The following SHANK2 variants were observed in gnomAD, a reference collection of about 807,000 sequenced individuals.
The protein encoded by SHANK2 is SH3 and multiple ankyrin repeat domains protein 2.
SHANK2 carries 43 observed loss-of-function variants against 133.7 expected under a neutral mutation model. The observed-to-expected ratio is 0.32, with a 90% confidence interval of 0.25 to 0.41. The LOEUF (loss-of-function observed/expected upper bound fraction) is 0.41, where lower values mean the gene tolerates loss of function less well. Ranked by LOEUF, SHANK2 falls within the 10% of genes least tolerant of loss-of-function variation. SHANK2 has a pLI of 1.00. For synonymous variants in SHANK2, 1,017 were observed against 952.8 expected (o/e 1.07, Z -1.24); for missense variants, 1,994 against 2,235.8 (o/e 0.89, Z 2.18).
chr11:70,481,973 CA>C (rs1275840528), intron 25 of SHANK2, among the ~76,000 whole-genome samples: 2 of 149,186 alleles, frequency 1.3e-5, no homozygotes, highest in African/African-American at 4.9e-5. Flanking sequence ...GACCCCCCCC[CA>C]GTGGTGGTTC....
intron 11 of SHANK2, among the ~76,000 whole-genome samples, chr11:70,823,675 A>T (rs1209374376): frequency 6.7e-6 from 1 of 148,970 alleles, no homozygotes; most frequent in East Asian, 2.0e-4. Context: ...CATGAGGGAC[A>T]GAGGTGGCGC....
chr11:70,546,255 A>G (rs782716343), intron 17 of SHANK2, among the ~76,000 whole-genome samples: 23 of 152,064 alleles, frequency 1.5e-4, no homozygotes, highest in Non-Finnish European at 3.1e-4. Flanking sequence ...TGGAGGTTTC[A>G]ATACTTAGGT....
intron 2 of SHANK2, 129 bp downstream of exon 2, chr11:71,224,568 G>C (rs539417763): frequency 1.3e-5 from 2 of 152,424 alleles, no homozygotes; most frequent in East Asian, 3.9e-4. Context: ...CAAGCACAGG[G>C]CACACAGGGC....
intron 10 of SHANK2, among the ~76,000 whole-genome samples, chr11:70,953,918 G>T (rs1950879712): frequency 6.6e-6 from 1 of 152,180 alleles, no homozygotes; most frequent in Non-Finnish European, 1.5e-5. Context: ...AGCTGGGCCA[G>T]CTCCCGCCTG....
chr11:71,183,258 T>C (rs1426965452), intron 2 of SHANK2, among the ~76,000 whole-genome samples: 3 of 152,000 alleles, frequency 2.0e-5, no homozygotes, highest in Non-Finnish European at 4.4e-5. Context: ...GGGGCAAAGG[T>C]GCTGGAGTTT....
chr11:70,532,800 A>G (rs1554973475), intron 17 of SHANK2, among the ~76,000 whole-genome samples: 1 of 152,198 alleles, frequency 6.6e-6, no homozygotes, highest in Non-Finnish European at 1.5e-5. Flanking sequence ...TTAGACCGAC[A>G]CGTGCGCATG....
At chr11:70,717,077 G>A (rs533132864) in intron 14 of SHANK2, among the ~76,000 whole-genome samples, 7 of 152,314 alleles carry the variant, frequency 4.6e-5, no homozygotes, top group South Asian at 4.2e-4. Context: ...GGAGCACACC[G>A]TCCACTTGGT....
chr11:70,528,846 C>T (rs537531639), intron 17 of SHANK2, among the ~76,000 whole-genome samples: 1 of 152,256 alleles, frequency 6.6e-6, no homozygotes, highest in Admixed American at 6.5e-5. Flanking sequence ...CCAGAGGAAC[C>T]CAGGTGGCGA....
At position 70,486,512 on chromosome 11, in the gene SHANK2, A is replaced by G; in HGVS notation, c.3781T>C (p.Phe1261Leu). ...GTGTTCTGCCTGGTGACCGTAGGGA[A>G]GCCGGCATCCAGGCTGGGCCGCATT... ...TKMRPSLDAG[F>L]PTVTRQNTRG... is the part of the protein sequence containing the mutation. The change falls in exon 25 of 26, where the codon TTC becomes CTC. Residue 1261 changes from phenylalanine to leucine, a missense_variant. Transcript: ENST00000601538. The surrounding 1 kb of genome is among the most constrained non-coding windows in gnomAD (Gnocchi z 8.0). The G allele has an allele frequency of 6.2e-7, 1 of 1,614,070 alleles. No homozygotes were observed. Among genetic ancestry groups the G allele is most frequent in the Non-Finnish European group, 8.5e-7 (1 of 1,180,022 alleles).
chr11:71,122,413 G>A (rs573397008), intron 3 of SHANK2, among the ~76,000 whole-genome samples: 1 of 152,234 alleles, frequency 6.6e-6, no homozygotes, highest in African/African-American at 2.4e-5. Flanking sequence ...ACCAAACACT[G>A]CATGTTCTCA....
intron 17 of SHANK2, among the ~76,000 whole-genome samples, chr11:70,592,607 C>T (rs1205890691): frequency 6.6e-6 from 1 of 152,094 alleles, no homozygotes; most frequent in Non-Finnish European, 1.5e-5. Context: ...CTGTCTGCAC[C>T]CCCCGTTGAG....
intron 17 of SHANK2, among the ~76,000 whole-genome samples, chr11:70,611,577 T>C (rs2060657940): frequency 6.6e-6 from 1 of 152,048 alleles, no homozygotes; most frequent in Non-Finnish European, 1.5e-5. Context: ...AAACAGAGGG[T>C]GTCTGGTTTA....
At chr11:70,687,860 C>T (rs995054968) in intron 15 of SHANK2, among the ~76,000 whole-genome samples, 1 of 152,186 alleles carries the variant, frequency 6.6e-6, no homozygotes, top group African/African-American at 2.4e-5. Context: ...CCCCCAGGCC[C>T]TCCTCTGCTG....
intron 10 of SHANK2, chr11:70,907,802 A>T: frequency 2.4e-6 from 1 of 415,504 alleles, no homozygotes; most frequent in South Asian, 1.7e-5. Context: ...TAGATTCATG[A>T]TAAAACTTAA....
chr11:71,232,337 A>G (rs1314562552), intron 1 of SHANK2, among the ~76,000 whole-genome samples: 6 of 152,130 alleles, frequency 3.9e-5, no homozygotes, highest in African/African-American at 1.4e-4. Flanking sequence ...GGCCAATACT[A>G]TCGTACTGAC....
chr11:70,578,321 C>T (rs1455827905), intron 17 of SHANK2, among the ~76,000 whole-genome samples: 21 of 152,312 alleles, frequency 1.4e-4, no homozygotes, highest in South Asian at 8.3e-4. Flanking sequence ...ACAGGAGGAA[C>T]GCAGATTGCT....
intron 11 of SHANK2, among the ~76,000 whole-genome samples, chr11:70,850,018 C>A (rs932473523): frequency 6.6e-6 from 1 of 152,098 alleles, no homozygotes; most frequent in Non-Finnish European, 1.5e-5. Context: ...CTCCCCTAGC[C>A]CCTGGCCCTC....
intron 1 of SHANK2, among the ~76,000 whole-genome samples, chr11:71,225,860 A>G (rs1375343041): frequency 2.6e-5 from 4 of 152,260 alleles, no homozygotes; most frequent in African/African-American, 9.6e-5. Context: ...ACGGTGGCTC[A>G]TGCCTGTAAT....
At chr11:70,904,728 G>A (rs782071877) in intron 10 of SHANK2, among the ~76,000 whole-genome samples, 2 of 152,038 alleles carry the variant, frequency 1.3e-5, no homozygotes, top group African/African-American at 2.4e-5. Flanking sequence ...GGCTGGTCTC[G>A]AACTCCTGAC....
Sources: allele counts gnomAD v4.1 joint callset (sites outside exome capture counted in the v4.1 genomes callset), GRCh38; gene constraint gnomAD v4.1.1; non-coding constraint Gnocchi (gnomAD v3.1); transcripts MANE v1.5; gene names NCBI Gene and HGNC (gene_info 2026-07-23, HGNC 2026-07-21).